SPINK9: variants seen among roughly 807,000 people sequenced by gnomAD.
SPINK9 encodes the protein serine peptidase inhibitor Kazal type 9.
In SPINK9, 3 loss-of-function variants were observed where a neutral mutation model predicts 10.8. That is an observed-to-expected ratio of 0.28 (90% CI 0.13 to 0.72). SPINK9 has a LOEUF of 0.72. Among genes scored for constraint, SPINK9 ranks in the 30% least tolerant of loss-of-function variants. The pLI, the probability that SPINK9 is intolerant of heterozygous loss-of-function variation, is 0.74. For synonymous variants in SPINK9, 30 were observed against 31.2 expected, an observed-to-expected ratio of 0.96 and a Z score of 0.12; for missense variants, 101 against 103.2, an observed-to-expected ratio of 0.98 and a Z score of 0.09.
chr5:148,339,814 TGTA>T lies in SPINK9; in HGVS notation c.*104_*106del. On this transcript the variant is annotated 3_prime_UTR_variant, in exon 4 of 4. Transcript: ENST00000377906. ...GCCACATTGCCTACTCATCACCATA[TGTA>T]GATTTCTTTGTAGAATAAAGCAGAT... The T allele has an allele frequency of 1.1e-6, 1 of 917,604 alleles. No homozygotes were observed. Among genetic ancestry groups the T allele is most frequent in the Non-Finnish European group, 1.7e-6 (1 of 585,146 alleles). The allele number at this position is 917,604 out of a possible 1,614,324, so 56.8% of individuals were successfully genotyped here. A position where few individuals can be genotyped will look rare whatever the true frequency, so the allele number is the denominator to read the frequency against.
rs201783938 is a variant in SPINK9, at chr5:148,339,647, T to C, written c.216-20T>C. 1.2e-6 allele frequency: 2 copies of C among 1,609,576 alleles called. No individual in the cohort carries two copies. The highest frequency in any genetic ancestry group is 1.7e-6 in the Non-Finnish European group (2 of 1,176,826). ...CTATGGGCTCAGCATTTCTCATTTG[T>C]TGCTATATTCTCTCCACAGGAAAAC... is the stretch of plus-strand genomic sequence containing the variant. On this transcript the variant is annotated intron_variant, in intron 3 of 3. Coordinates refer to ENST00000377906, the MANE Select transcript of SPINK9 (RefSeq NM_001040433.2).
At chr5:148,325,701 G>C (rs1156517656) in intron 2 of SPINK9, among the ~76,000 whole-genome samples, 1 of 152,044 alleles carries the variant, frequency 6.6e-6, no homozygotes, top group African/African-American at 2.4e-5. Context: ...TCTGTGAGCT[G>C]TCCTTTGAGG....
At chr5:148,325,892 G>T (rs957114836) in intron 2 of SPINK9, among the ~76,000 whole-genome samples, 2 of 151,916 alleles carry the variant, frequency 1.3e-5, no homozygotes, top group African/African-American at 2.4e-5. Context: ...TCCATTTTCA[G>T]TTACTTTTTA....
At chr5:148,339,231 T>C (rs1033867273) in intron 3 of SPINK9, among the ~76,000 whole-genome samples, 1 of 152,170 alleles carries the variant, frequency 6.6e-6, no homozygotes, top group African/African-American at 2.4e-5. Flanking sequence ...AGTTCAAAAA[T>C]TATAAAATAA....
At chr5:148,323,878 C>A in intron 2 of SPINK9, 1 of 688,618 alleles carries the variant, frequency 1.5e-6, no homozygotes, top group South Asian at 1.6e-5. Flanking sequence ...GGTATGTAGC[C>A]CGCGAAAGTA....
upstream of SPINK9, among the ~76,000 whole-genome samples, chr5:148,333,862 G>T (rs1421871513): frequency 1.3e-5 from 2 of 152,070 alleles, no homozygotes. Flanking sequence ...TCATTAACTT[G>T]TTTTGAAATT....
chr5:148,328,040 A>G (rs1445705773), intron 2 of SPINK9, among the ~76,000 whole-genome samples: 2 of 151,748 alleles, frequency 1.3e-5, no homozygotes, highest in Admixed American at 6.6e-5. Context: ...CAATTCTGTG[A>G]AGAAAGTCAT....
At chr5:148,330,264 CTTCT>C (rs747173458) in intron 2 of SPINK9, among the ~76,000 whole-genome samples, 24 of 152,194 alleles carry the variant, frequency 1.6e-4, no homozygotes, top group African/African-American at 5.1e-4. Flanking sequence ...ATGTAATGGC[CTTCT>C]TTGTCTCTTT....
chr5:148,338,734 C>A, intron 3 of SPINK9, 129 bp downstream of exon 3: 1 of 628,860 alleles, frequency 1.6e-6, no homozygotes, highest in Non-Finnish European at 2.5e-6. Context: ...ACAGAACCTT[C>A]CAGTTGGTAG....
At chr5:148,332,548 T>G (rs984290412), upstream of SPINK9, among the ~76,000 whole-genome samples, 1 of 152,196 alleles carries the variant, frequency 6.6e-6, no homozygotes, top group Non-Finnish European at 1.5e-5. Context: ...ATTGGAAAAG[T>G]GGTGCAAAAG....
chr5:148,328,784 T>C (rs961601325), intron 2 of SPINK9, among the ~76,000 whole-genome samples: 3 of 152,244 alleles, frequency 2.0e-5, no homozygotes, highest in Non-Finnish European at 2.9e-5. Context: ...TCTTTGGTTC[T>C]GTTTATATGC....
intron 2 of SPINK9, among the ~76,000 whole-genome samples, chr5:148,325,262 G>A (rs1451204826): frequency 6.6e-6 from 1 of 152,042 alleles, no homozygotes; most frequent in African/African-American, 2.4e-5. Context: ...GTGTGGACAT[G>A]TTTTCAATAA....
At chr5:148,333,284 G>A (rs1447035138), upstream of SPINK9, among the ~76,000 whole-genome samples, 2 of 152,144 alleles carry the variant, frequency 1.3e-5, no homozygotes, top group African/African-American at 2.4e-5. Context: ...TGCAGGACAG[G>A]CAAGCCCCAA....
At position 148,338,490 on chromosome 5, in the gene SPINK9, C is replaced by G; in HGVS notation, c.100C>G (p.His34Asp). The G allele has an allele frequency of 6.2e-7, 1 of 1,600,802 alleles. No homozygotes were observed. The highest frequency in any genetic ancestry group is 8.5e-7 in the Non-Finnish European group (1 of 1,175,406). ...TATGTTTTTTCAGGTTGACTGCAGT[C>G]ATTATAAAAAGTTACCACCAGGACA... ...KQTKQMVDCS[H>D]YKKLPPGQQR... Residue 34 changes from histidine to aspartate, a missense_variant, in exon 3 of 4, where the codon CAT (histidine) becomes GAT (aspartate). Coordinates refer to ENST00000377906, the MANE Select transcript of SPINK9 (RefSeq NM_001040433.2).
upstream of SPINK9, among the ~76,000 whole-genome samples, chr5:148,334,747 T>C (rs1324521187): frequency 6.6e-6 from 1 of 151,638 alleles, no homozygotes; most frequent in African/African-American, 2.4e-5. Flanking sequence ...TCAAACTACA[T>C]GAGAGCAGTC....
chr5:148,337,664 A>C (rs1339812955), intron 2 of SPINK9, among the ~76,000 whole-genome samples: 1 of 151,446 alleles, frequency 6.6e-6, no homozygotes, highest in African/African-American at 2.4e-5. Context: ...ATGTAGTGCT[A>C]AGCATTGTAC....
chr5:148,326,811 G>A (rs1241802349), intron 2 of SPINK9, among the ~76,000 whole-genome samples: 1 of 151,178 alleles, frequency 6.6e-6, no homozygotes, highest in Non-Finnish European at 1.5e-5. Context: ...ATGGTTTCCA[G>A]CTTCATCCAT....
chr5:148,323,640 T>A (rs1393332819), intron 1 of SPINK9: 1 of 536,226 alleles, frequency 1.9e-6, no homozygotes, highest in Non-Finnish European at 3.3e-6. Flanking sequence ...GTCATATGAA[T>A]GTGAAGTAAA....
At position 148,335,692 on chromosome 5, in the gene SPINK9, C is replaced by T. The variant is rs764597390; in HGVS notation, c.55+24C>T. 2.0e-5 allele frequency: 32 copies of T among 1,611,834 alleles called. No individual in the cohort carries two copies. The South Asian group carries it at 2.9e-4, about 14-fold the overall frequency. Reference sequence around the variant, plus strand: ...CAGTGAGTATCTCTGATAATACTGCCCCTGCCCTTGTACTAATAGCTCATG... The same window carrying T: ...CAGTGAGTATCTCTGATAATACTGCTCCTGCCCTTGTACTAATAGCTCATG... On this transcript the variant is annotated intron_variant, in intron 1 of 3. Coordinates refer to ENST00000377906, the MANE Select transcript of SPINK9 (RefSeq NM_001040433.2).
Sources: gnomAD v4.1 joint callset for allele counts (sites outside exome capture counted in the v4.1 genomes callset) on GRCh38, gnomAD v4.1.1 for gene constraint, MANE v1.5 for transcripts, NCBI Gene and HGNC (gene_info 2026-07-23, HGNC 2026-07-21) for gene names.